TDO2: variants seen among roughly 807,000 people sequenced by gnomAD.
TDO2 encodes the protein tryptophan 2,3-dioxygenase.
Under a neutral mutation model 61.2 loss-of-function variants are expected in TDO2, and 63 were observed. The observed-to-expected ratio is 1.03, with a 90% confidence interval of 0.84 to 1.27. The LOEUF (loss-of-function observed/expected upper bound fraction) is 1.27, where lower values mean the gene tolerates loss of function less well. Ranked by LOEUF, TDO2 falls within the 50% of genes most tolerant of loss-of-function variation. The pLI, the probability that TDO2 is intolerant of heterozygous loss-of-function variation, is 0.00. For synonymous variants in TDO2, 183 were observed against 164.0 expected (o/e 1.12, Z -0.89); for missense variants, 494 against 469.5 (o/e 1.05, Z -0.48).
In TDO2 at chr4:155,905,128, A is replaced by T; in HGVS notation, c.203A>T (p.Asp68Val). 1 of 1,601,374 alleles carries T rather than the reference A, an allele frequency of 6.2e-7. No individual in the cohort carries two copies. Among genetic ancestry groups the T allele is most frequent in the Non-Finnish European group, 8.5e-7 (1 of 1,174,324 alleles). ...GAAACAAAAGGAAATAAAATCCATG[A>T]TGAACATCTTTTTATCATAACTCAT... is the stretch of plus-strand genomic sequence containing the variant. ...QSETKGNKIHDEHLFIITHQA... is the reference protein window; with the variant it reads ...QSETKGNKIHVEHLFIITHQA... The change falls in exon 3 of 12, where the codon GAT (aspartate) becomes GTT (valine). Residue 68 changes from aspartate (D) to valine (V), a missense_variant. Transcript: ENST00000536354.
At position 155,913,406 on chromosome 4, in the gene TDO2, T is replaced by C. The variant is rs565498055; in HGVS notation, c.727-917T>C. ...TGTGTTCTTCTCTGGGCTTGGAATG[T>C]TCTTCCCCAACTAACTCCTTCCCAC... On this transcript the variant is annotated intron_variant, in intron 7 of 11. Coordinates refer to ENST00000536354, the MANE Select transcript of TDO2 (RefSeq NM_005651.4). Among the ~76,000 whole-genome samples, 133 of 152,250 alleles carry C rather than the reference T, an allele frequency of 8.7e-4. 1 individual carries two copies. Among genetic ancestry groups the C allele is most frequent in the African/African-American group, 3.0e-3 (125 of 41,556 alleles).
intron 11 of TDO2, chr4:155,918,926 A>T (rs1203447057): frequency 6.6e-6 from 1 of 152,210 alleles, no homozygotes; most frequent in African/African-American, 2.4e-5. Flanking sequence ...TTTACAGCAC[A>T]TTGCTTTCGT....
At chr4:155,914,300 T>G (rs749687715) in intron 7 of TDO2, 23 bp from the exon 8 acceptor site, 16 of 1,563,520 alleles carry the variant, frequency 1.0e-5, no homozygotes, top group Non-Finnish European at 1.3e-5. Flanking sequence ...CTCAGGACTA[T>G]TAATGCCATA....
chr4:155,916,988 AAC>A (rs1491182683), intron 9 of TDO2, among the ~76,000 whole-genome samples: 45 of 149,642 alleles, frequency 3.0e-4, no homozygotes, highest in Middle Eastern at 3.5e-3. Flanking sequence ...CAACAAAAAA[AAC>A]AAAACAAAAA....
At chr4:155,916,616 C>A (rs1328290178) in intron 9 of TDO2, among the ~76,000 whole-genome samples, 1 of 152,016 alleles carries the variant, frequency 6.6e-6, no homozygotes, top group Non-Finnish European at 1.5e-5. Flanking sequence ...ACCACTTATT[C>A]AGCAATTTCA....
At chr4:155,915,541 T>C (rs1742916069) in intron 8 of TDO2, among the ~76,000 whole-genome samples, 1 of 152,212 alleles carries the variant, frequency 6.6e-6, no homozygotes. Flanking sequence ...ACATATTCTT[T>C]TACTCGGAAA....
intron 5 of TDO2, 93 bp downstream of exon 5, chr4:155,909,107 G>C: frequency 7.6e-7 from 1 of 1,323,442 alleles, no homozygotes; most frequent in Non-Finnish European, 1.0e-6. Flanking sequence ...GTGCCATGAG[G>C]AGCCTGTCTT....
Position 155,918,173 on chromosome 4 carries a change from G to A in TDO2, c.1001G>A (p.Arg334Lys), listed in dbSNP as rs1742977550. The change falls in exon 11 of 12, where the codon AGA becomes AAA. Residue 334 changes from arginine to lysine, a missense_variant. Transcript: ENST00000536354. ...WRYNHVCMVH[R>K]MLGSKAGTGG... The stretch of plus-strand genomic sequence containing the variant: ...GATAACCATGTGTGCATGGTGCACA[G>A]AATGCTGGGCAGCAAAGCTGGCACC... 4 of 1,614,082 alleles carry A rather than the reference G, an allele frequency of 2.5e-6. No individual in the cohort carries two copies. The East Asian group carries it at 6.7e-5, about 27-fold the overall frequency.
At chr4:155,907,559 A>G (rs1742740113) in intron 3 of TDO2, 163 bp from the exon 4 acceptor site, 1 of 571,250 alleles carries the variant, frequency 1.8e-6, no homozygotes, top group Non-Finnish European at 3.1e-6. Context: ...TACAACTTTA[A>G]CACTAACATT....
In TDO2 at chr4:155,917,473, A is replaced by T; in HGVS notation, c.975A>T (p.Arg325Ser). 1 of 1,607,520 alleles carries T rather than the reference A, an allele frequency of 6.2e-7. No individual in the cohort carries two copies. The highest frequency in any genetic ancestry group is 8.5e-7 in the Non-Finnish European group (1 of 1,177,580). Residue 325 changes from arginine (R) to serine (S), a missense_variant and splice_region_variant, in exon 10 of 12, where the codon AGA becomes AGT. Physicochemically the swap from Arg to Ser is moderately radical, Grantham distance 110. Coordinates refer to ENST00000536354, the MANE Select transcript of TDO2 (RefSeq NM_005651.4). ...MDIDSLMTKWRYNHVCMVHRM... is the reference protein window; with the variant it reads ...MDIDSLMTKWSYNHVCMVHRM... ...TAGATTCACTGATGACCAAATGGAGATGTAAGTCCTTCCCACTCACCCCAT... is the reference window on the plus strand; with the variant it reads ...TAGATTCACTGATGACCAAATGGAGTTGTAAGTCCTTCCCACTCACCCCAT...
At position 155,907,706 on chromosome 4, in the gene TDO2, G is replaced by A; in HGVS notation, c.233-16G>A. On this transcript the variant is annotated splice_polypyrimidine_tract_variant and intron_variant, in intron 3 of 11. Coordinates refer to ENST00000536354, the MANE Select transcript of TDO2 (RefSeq NM_005651.4). ...CTCCCATAACTTTCCAACTGACAAT[G>A]ATTTCCTTATTACAGCTTATGAACT... 1.3e-6 allele frequency: 2 copies of A among 1,598,780 alleles called. No individual in the cohort carries two copies. The highest frequency in any genetic ancestry group is 1.7e-4 in the Middle Eastern group (1 of 6,020).
intron 4 of TDO2, 54 bp from the exon 5 acceptor site, chr4:155,908,833 G>T: frequency 6.6e-7 from 1 of 1,523,480 alleles, no homozygotes. Flanking sequence ...TGTCTATTTT[G>T]TATTTTCTAG....
At chr4:155,908,029 C>T (rs1742752255) in intron 4 of TDO2, among the ~76,000 whole-genome samples, 1 of 152,136 alleles carries the variant, frequency 6.6e-6, no homozygotes, top group African/African-American at 2.4e-5. Flanking sequence ...GTTTAGAACT[C>T]ATTTCCACCC....
chr4:155,915,790 T>C, intron 8 of TDO2, 65 bp from the exon 9 acceptor site: 1 of 1,401,986 alleles, frequency 7.1e-7, no homozygotes, highest in Non-Finnish European at 9.9e-7. Flanking sequence ...AAGATGACGA[T>C]GCCAAATTAA....
chr4:155,913,601 G>T (rs189637816), intron 7 of TDO2, among the ~76,000 whole-genome samples: 4 of 151,884 alleles, frequency 2.6e-5, no homozygotes, highest in Non-Finnish European at 5.9e-5. Flanking sequence ...ATAATATCAC[G>T]ACTCTCAATT....
rs1307405131 is a variant in TDO2 at position 155,907,725 on chromosome 4, A to ATG, written c.237_238dup (p.Glu80ValfsTer42). On this transcript the variant is annotated frameshift_variant, in exon 4 of 12. Transcript: ENST00000536354. LOFTEE classifies it high-confidence loss of function. ...GACAATGATTTCCTTATTACAGCTT[A>ATG]TGAACTCTGGTTTAAGCAAATCCTC... The ATG allele has an allele frequency of 1.8e-5, 29 of 1,612,168 alleles. No individual in the cohort carries two copies. The highest frequency in any genetic ancestry group is 2.3e-5 in the Non-Finnish European group (27 of 1,179,072).
intron 8 of TDO2, among the ~76,000 whole-genome samples, 166 bp from the exon 9 acceptor site, chr4:155,915,689 G>A (rs1008517654): frequency 6.6e-6 from 1 of 152,088 alleles, no homozygotes; most frequent in African/African-American, 2.4e-5. Context: ...TGTATTTTAA[G>A]TGATATGTTT....
intron 11 of TDO2, chr4:155,918,904 C>A (rs1185399452): frequency 1.3e-5 from 2 of 152,188 alleles, no homozygotes; most frequent in African/African-American, 4.8e-5. Context: ...GCATTTAGCC[C>A]CACCTCAAAT....
At chr4:155,914,088 T>G (rs1742887217) in intron 7 of TDO2, among the ~76,000 whole-genome samples, 1 of 152,078 alleles carries the variant, frequency 6.6e-6, no homozygotes, top group Admixed American at 6.5e-5. Flanking sequence ...TTTATGAAGA[T>G]AATATTTAAT....
Sources: gnomAD v4.1 joint callset for allele counts (sites outside exome capture counted in the v4.1 genomes callset) on GRCh38, gnomAD v4.1.1 for gene constraint, MANE v1.5 for transcripts, NCBI Gene and HGNC (gene_info 2026-07-23, HGNC 2026-07-21) for gene names.